MYOM1: variants seen among roughly 807,000 people sequenced by gnomAD.
The protein encoded by MYOM1 is myomesin 1.
A neutral mutation model predicts 205.3 loss-of-function variants in MYOM1; 164 were observed. The ratio of observed to expected loss-of-function variants is 0.80; its 90% confidence interval spans 0.70 to 0.91. MYOM1 has a LOEUF of 0.91. MYOM1 is among the 40% of genes least tolerant of loss of function. The probability of loss-of-function intolerance (pLI) is 0.00; values close to 1 mark genes in which losing one functional copy is unlikely to be tolerated. For missense variants in MYOM1, 2,011 were observed against 2,127.3 expected, an observed-to-expected ratio of 0.95 and a Z score of 1.08; for synonymous variants, 772 against 789.4, an observed-to-expected ratio of 0.98 and a Z score of 0.37.
chr18:3,071,324 G>A (rs895038230), intron 37 of MYOM1, among the ~76,000 whole-genome samples: 18 of 152,096 alleles, frequency 1.2e-4, no homozygotes, highest in African/African-American at 3.9e-4. Flanking sequence ...CTTTTATGCC[G>A]ATGCTTGACC....
At chr18:3,133,733 T>A (rs1239890953) in intron 16 of MYOM1, among the ~76,000 whole-genome samples, 1 of 152,212 alleles carries the variant, frequency 6.6e-6, no homozygotes, top group Non-Finnish European at 1.5e-5. Flanking sequence ...TGAAATGAAC[T>A]CTTACAATAG....
chr18:3,168,701 G>T, intron 9 of MYOM1, 116 bp downstream of exon 9: 1 of 989,592 alleles, frequency 1.0e-6, no homozygotes, highest in Non-Finnish European at 1.5e-6. Context: ...CCTTTTAATC[G>T]TGTAAAGGTA....
chr18:3,197,386 C>T (rs1227192892), intron 2 of MYOM1, among the ~76,000 whole-genome samples: 1 of 151,944 alleles, frequency 6.6e-6, no homozygotes, highest in Non-Finnish European at 1.5e-5. Flanking sequence ...GATCCGCCTG[C>T]CTTGGCCTCC....
At chr18:3,163,033 AC>A (rs66534455) in intron 10 of MYOM1, among the ~76,000 whole-genome samples, 25,805 of 93,350 alleles carry the variant, frequency 0.28, 2,217 homozygotes, top group East Asian at 0.39. Flanking sequence ...ACTCAAAAAA[AC>A]AAAAAAAAAC....
intron 1 of MYOM1, among the ~76,000 whole-genome samples, chr18:3,218,350 A>G (rs2081294558): frequency 6.6e-6 from 1 of 152,258 alleles, no homozygotes; most frequent in Non-Finnish European, 1.5e-5. Context: ...ATTCTTTGTC[A>G]AGTTTAAAAC....
In MYOM1 at chr18:3,135,320, C is replaced by A. The variant is rs992031682; in HGVS notation, c.2209+227G>T. 2.2e-5 allele frequency: 10 copies of A among 445,074 alleles called. No homozygotes were observed. The highest frequency in any genetic ancestry group is 3.9e-5 in the Non-Finnish European group (10 of 253,688). The allele number at this position is 445,074 out of a possible 1,614,324, so 27.6% of individuals were successfully genotyped here. Reference sequence around the variant, plus strand: ...CATGGATAAACTAAATGTCCATGAACTTCAGAAAAAACACATTATCAATAT... The same window carrying A: ...CATGGATAAACTAAATGTCCATGAAATTCAGAAAAAACACATTATCAATAT... On this transcript the variant is annotated intron_variant, in intron 15 of 37. Transcript: ENST00000356443. This position sits in a 1 kb window ranked among gnomAD's most constrained non-coding sequence, Gnocchi z 4.1.
intron 12 of MYOM1, 84 bp downstream of exon 12, chr18:3,151,610 G>C: frequency 7.9e-7 from 1 of 1,267,926 alleles, no homozygotes. Flanking sequence ...GTGGAAGGGA[G>C]AGAAACAACC....
rs185366609 is a variant in MYOM1 at position 3,116,439 on chromosome 18, G to C, written c.3195C>G (p.Ser1065=). The stretch of plus-strand genomic sequence containing the variant: ...AGTAACCAGTGACCGGAGTCCGCCC[G>C]GAGTGGACTGGCGGCTTCCACTGGA... The part of the protein sequence containing the change: ...LVLQWKPPVH[S]GRTPVTGYFV... Residue 1065 remains serine (S), a synonymous_variant, in exon 21 of 38, where the codon TCC becomes TCG. Transcript: ENST00000356443. 1,732 of 1,613,504 alleles carry C rather than the reference G, an allele frequency of 1.1e-3. 26 individuals are homozygous for C. The Admixed American group carries it at 0.024, about 23-fold the overall frequency.
intron 3 of MYOM1, among the ~76,000 whole-genome samples, chr18:3,193,018 C>T (rs531907312): frequency 6.6e-6 from 1 of 151,982 alleles, no homozygotes; most frequent in African/African-American, 2.4e-5. Context: ...CCTGTAATTC[C>T]AGCACTTTGG....
intron 19 of MYOM1, 119 bp from the exon 20 acceptor site, chr18:3,120,114 T>G: frequency 7.6e-7 from 1 of 1,316,266 alleles, no homozygotes; most frequent in Non-Finnish European, 1.0e-6. Context: ...TGACCCTCAA[T>G]GAGTCACACC....
upstream of MYOM1, among the ~76,000 whole-genome samples, chr18:3,220,647 G>A (rs1469598246): frequency 6.6e-6 from 1 of 152,146 alleles, no homozygotes; most frequent in Non-Finnish European, 1.5e-5. Context: ...GTGTAACCCG[G>A]TTGTGAGAGC....
In MYOM1 at chr18:3,079,316, C is replaced by T. The variant is rs559020901; in HGVS notation, c.4511G>A (p.Arg1504Lys). The stretch of plus-strand genomic sequence containing the variant: ...CTCTCCAGTGACCCCGGTCTTAACT[C>T]TGTCTGAGTACCTAATGGCGGACCC... The part of the protein sequence containing the change: ...HNGSAIRYSD[R>K]VKTGVTGEQI... The change falls in exon 34 of 38, where the codon AGA becomes AAA. Residue 1504 changes from arginine to lysine, a missense_variant. By Grantham distance (26) the Arg-to-Lys change is conservative. Coordinates refer to ENST00000356443, the MANE Select transcript of MYOM1 (RefSeq NM_003803.4). 1.0e-4 allele frequency: 161 copies of T among 1,613,738 alleles called. 3 individuals are homozygous for T. In the South Asian group the frequency reaches 1.7e-3, roughly 17 times the overall value.
chr18:3,158,106 C>T (rs1479647778), intron 10 of MYOM1, among the ~76,000 whole-genome samples: 1 of 152,008 alleles, frequency 6.6e-6, no homozygotes, highest in Non-Finnish European at 1.5e-5. Flanking sequence ...GTTAAAATCC[C>T]TTTTTTACAA....
rs567517205 is a variant in MYOM1, at chr18:3,086,218, C to T, written c.4138-67G>A. ...TGTACTCTTGTGAAGTTGAATAGTT[C>T]TTAATGCAGCAAGATATAAAAGAAA... On this transcript the variant is annotated intron_variant, in intron 29 of 37. Transcript: ENST00000356443. 2.9e-4 allele frequency: 247 copies of T among 865,748 alleles called. 2 individuals carry two copies. The African/African-American group carries it at 3.7e-3, about 13-fold the overall frequency. 53.6% of individuals were successfully genotyped at this position (865,748 alleles called of 1,614,324 possible). A position where few individuals can be genotyped will look rare whatever the true frequency, so the allele number is the denominator to read the frequency against.
intron 26 of MYOM1, among the ~76,000 whole-genome samples, chr18:3,091,817 G>A (rs1043131750): frequency 2.0e-5 from 3 of 152,008 alleles, no homozygotes; most frequent in Admixed American, 6.6e-5. Context: ...TTGCAACCTC[G>A]GCCTCCCAGG....
intron 2 of MYOM1, among the ~76,000 whole-genome samples, chr18:3,204,898 A>G (rs149199035): frequency 1.5e-3 from 221 of 152,216 alleles, no homozygotes; most frequent in Non-Finnish European, 2.5e-3. Context: ...GATAGTCCAG[A>G]AATAAACCTC....
the MYOM1 span, among the ~76,000 whole-genome samples, chr18:3,235,543 T>C: frequency 3.3e-5 from 5 of 152,262 alleles, no homozygotes; most frequent in Non-Finnish European, 5.9e-5. Flanking sequence ...CTCATGTTTC[T>C]AAATTTTCCC....
chr18:3,091,050 T>C (rs1330960140), intron 26 of MYOM1, among the ~76,000 whole-genome samples: 1 of 152,100 alleles, frequency 6.6e-6, no homozygotes, highest in Non-Finnish European at 1.5e-5. Context: ...GCACAGTGGC[T>C]CACGCCTGTA....
At chr18:3,079,572 T>C (rs2079061338) in intron 33 of MYOM1, among the ~76,000 whole-genome samples, 1 of 152,014 alleles carries the variant, frequency 6.6e-6, no homozygotes, top group Non-Finnish European at 1.5e-5. Flanking sequence ...TAACTCCTCA[T>C]AGCAGTCTGA....
Sources: gnomAD v4.1 joint callset for allele counts (sites outside exome capture counted in the v4.1 genomes callset) on GRCh38, gnomAD v4.1.1 for gene constraint, Gnocchi (gnomAD v3.1) non-coding constraint, MANE v1.5 for transcripts, NCBI Gene and HGNC (gene_info 2026-07-23, HGNC 2026-07-21) for gene names.